Variants in HIVEP3 observed in about 807,000 individuals in gnomAD.
HIVEP3 encodes the protein HIVEP zinc finger 3.
In HIVEP3, 49 loss-of-function variants were observed where a neutral mutation model predicts 152.8. That is an observed-to-expected ratio of 0.32 (90% confidence interval 0.26 to 0.41). HIVEP3 has a LOEUF of 0.41. Among genes scored for constraint, HIVEP3 ranks in the 10% least tolerant of loss-of-function variants. HIVEP3 has a pLI of 1.00. For synonymous variants in HIVEP3, 1,269 were observed against 1,289.0 expected (o/e 0.98, Z 0.33); for missense variants, 2,790 against 3,103.3 (o/e 0.90, Z 2.40).
At chr1:41,830,002 G>C (rs1042619069) in intron 1 of HIVEP3, among the ~76,000 whole-genome samples, 6 of 152,192 alleles carry the variant, frequency 3.9e-5, no homozygotes, top group African/African-American at 9.6e-5. Context: ...GGGTTTATCA[G>C]CTTCCATGAT....
intron 1 of HIVEP3, among the ~76,000 whole-genome samples, chr1:42,027,892 A>G (rs1220549111): frequency 1.3e-5 from 2 of 151,958 alleles, no homozygotes; most frequent in African/African-American, 4.8e-5. Context: ...TGATTCGATT[A>G]CCTCCCCCTG....
chr1:41,892,871 G>T (rs987499648), intron 1 of HIVEP3, among the ~76,000 whole-genome samples: 2 of 152,114 alleles, frequency 1.3e-5, no homozygotes, highest in African/African-American at 2.4e-5. Flanking sequence ...TGTAATCCCA[G>T]AACTTTGGGA....
intron 1 of HIVEP3, among the ~76,000 whole-genome samples, chr1:41,817,338 G>A (rs1199396784): frequency 6.6e-6 from 1 of 152,188 alleles, no homozygotes; most frequent in Non-Finnish European, 1.5e-5. Context: ...ATGCAGAGAG[G>A]AGGATGGATC....
intron 1 of HIVEP3, among the ~76,000 whole-genome samples, chr1:41,846,495 C>G (rs1643448400): frequency 6.6e-6 from 1 of 152,196 alleles, no homozygotes; most frequent in African/African-American, 2.4e-5. Flanking sequence ...GCAATGCCGT[C>G]AAGGTTGTAT....
chr1:41,750,716 T>TC (rs1240803768), intron 1 of HIVEP3, among the ~76,000 whole-genome samples: 1 of 151,804 alleles, frequency 6.6e-6, no homozygotes, highest in Non-Finnish European at 1.5e-5. Context: ...TTTTTTTTTT[T>TC]TGACACGCGT....
intron 1 of HIVEP3, among the ~76,000 whole-genome samples, chr1:41,714,465 G>T (rs902954151): frequency 4.6e-5 from 7 of 152,208 alleles, no homozygotes; most frequent in East Asian, 3.8e-4. Context: ...AGAAATTAAT[G>T]CTCCAAGAGG....
chr1:41,791,374 C>T (rs1308898607), intron 1 of HIVEP3, among the ~76,000 whole-genome samples: 1 of 152,228 alleles, frequency 6.6e-6, no homozygotes, highest in African/African-American at 2.4e-5. Flanking sequence ...TCCCTTGCAG[C>T]TTAGGTGACT....
chr1:41,770,724 A>G (rs1317349140), intron 1 of HIVEP3, among the ~76,000 whole-genome samples: 1 of 152,168 alleles, frequency 6.6e-6, no homozygotes, highest in Non-Finnish European at 1.5e-5. Context: ...CAAGGTCATG[A>G]AAAGACAAGA....
At chr1:41,837,941 G>A (rs1300414584) in intron 1 of HIVEP3, among the ~76,000 whole-genome samples, 1 of 151,992 alleles carries the variant, frequency 6.6e-6, no homozygotes, top group African/African-American at 2.4e-5. Context: ...GCCCTGCAGG[G>A]GCCCAGGCTA....
chr1:41,591,495 A>T (rs533593170), intron 3 of HIVEP3, among the ~76,000 whole-genome samples: 1 of 152,240 alleles, frequency 6.6e-6, no homozygotes, highest in Admixed American at 6.5e-5. Context: ...GATACTTTTC[A>T]GATTGAAGGC....
At chr1:41,903,406 T>A (rs1644657216) in intron 1 of HIVEP3, among the ~76,000 whole-genome samples, 1 of 152,202 alleles carries the variant, frequency 6.6e-6, no homozygotes, top group Non-Finnish European at 1.5e-5. Flanking sequence ...TTCACAAGAT[T>A]CCTGTGAAGG....
intron 5 of HIVEP3, chr1:41,542,426 G>T: frequency 1.3e-5 from 2 of 153,014 alleles, no homozygotes; most frequent in South Asian, 3.9e-4. Flanking sequence ...TGATGGAAAT[G>T]ACCACACTCA....
chr1:41,513,756 G>A lies in HIVEP3; in HGVS notation c.5471-6C>T, dbSNP rs200911008. 2.6e-6 allele frequency: 4 copies of A among 1,544,110 alleles called. No homozygotes were observed. The highest frequency in any genetic ancestry group is 2.0e-5 in the Admixed American group (1 of 51,180). On this transcript the variant is annotated splice_polypyrimidine_tract_variant and splice_region_variant and intron_variant, in intron 7 of 8. Coordinates refer to ENST00000372583, the MANE Select transcript of HIVEP3 (RefSeq NM_024503.5). The stretch of plus-strand genomic sequence containing the variant: ...GAACAGGTCGTCACTGGTTCCTGAG[G>A]GCAAACACAGAAGACCCAAGGTCAC...
At chr1:41,754,299 C>G (rs1255375625) in intron 1 of HIVEP3, among the ~76,000 whole-genome samples, 2 of 152,076 alleles carry the variant, frequency 1.3e-5, no homozygotes, top group African/African-American at 2.4e-5. Flanking sequence ...TTAGAGGCAA[C>G]CCTCTGGCTT....
chr1:41,613,526 G>C (rs1336712322), intron 3 of HIVEP3, among the ~76,000 whole-genome samples: 1 of 152,214 alleles, frequency 6.6e-6, no homozygotes, highest in Non-Finnish European at 1.5e-5. Context: ...AATGAACAAA[G>C]TTAAAATTGT....
intron 1 of HIVEP3, among the ~76,000 whole-genome samples, chr1:41,974,896 A>G (rs569483860): frequency 2.0e-5 from 3 of 152,072 alleles, no homozygotes; most frequent in Non-Finnish European, 4.4e-5. Flanking sequence ...CATGGCCATT[A>G]TCTCCACGCA....
At chr1:41,819,776 C>A (rs1186929310) in intron 1 of HIVEP3, among the ~76,000 whole-genome samples, 1 of 152,120 alleles carries the variant, frequency 6.6e-6, no homozygotes, top group Non-Finnish European at 1.5e-5. Context: ...AATTAGTTGA[C>A]ATTTGCTACA....
chr1:41,563,104 C>T lies in HIVEP3; in HGVS notation c.5207+12440G>A, dbSNP rs116602758. Among the ~76,000 whole-genome samples the T allele has an allele frequency of 7.8e-4, 118 of 152,090 alleles. 4 individuals are homozygous for T. The highest frequency in any genetic ancestry group is 7.5e-3 in the South Asian group (36 of 4,796). ...GCTTATGCTTGTAATCCCAGCACTT[C>T]GGGAGGCTGAAGTGAGCGGATCACT... On this transcript the variant is annotated intron_variant, in intron 5 of 8. Transcript: ENST00000372583.
chr1:41,638,383 GAGAA>G lies in HIVEP3; in HGVS notation c.-720-9440_-720-9437del, dbSNP rs1276862210. Among the ~76,000 whole-genome samples, 3 of 63,080 alleles carry G rather than the reference GAGAA, an allele frequency of 4.8e-5. No individual in the cohort carries two copies. The East Asian group carries it at 1.2e-3, about 25-fold the overall frequency. 41.4% of individuals were successfully genotyped at this position (63,080 alleles called of 152,430 possible). On this transcript the variant is annotated intron_variant, in intron 2 of 8. Transcript: ENST00000372583. Reference sequence around the variant, plus strand: ...AAGGAAAGAAAGAAAGGGAGAGAGAGAGAAAGAAAGAAAAGAAAGAAAGGAAGGA... The same window carrying G: ...AAGGAAAGAAAGAAAGGGAGAGAGAGAGAAAGAAAAGAAAGAAAGGAAGGA...
Sources: allele counts gnomAD v4.1 joint callset (sites outside exome capture counted in the v4.1 genomes callset), GRCh38; gene constraint gnomAD v4.1.1; transcripts MANE v1.5; gene names NCBI Gene and HGNC (gene_info 2026-07-23, HGNC 2026-07-21).